FAT1: variants seen among roughly 807,000 people sequenced by gnomAD.
FAT1 encodes protocadherin Fat 1.
Under a neutral mutation model 329.8 loss-of-function variants are expected in FAT1, and 171 were observed. The observed-to-expected ratio is 0.52, with a 90% CI of 0.46 to 0.59. The LOEUF (loss-of-function observed/expected upper bound fraction) is 0.59. FAT1 is among the 20% of genes least tolerant of loss of function. The probability of loss-of-function intolerance (pLI) is 0.00; values close to 1 mark genes in which losing one functional copy is unlikely to be tolerated. For missense variants in FAT1, 5,672 were observed against 5,774.4 expected (o/e 0.98, Z 0.57); for synonymous variants, 2,233 against 2,228.6 (o/e 1.00, Z -0.06).
At position 186,613,784 on chromosome 4, in the gene FAT1, C is replaced by T. The variant is rs796693869; in HGVS notation, c.9229+407G>A. 4.1e-4 allele frequency among the ~76,000 whole-genome samples: 62 copies of T among 152,194 alleles called. 1 individual carries two copies. The highest frequency in any genetic ancestry group is 1.3e-3 in the African/African-American group (55 of 41,532). Reference sequence around the variant, plus strand: ...CTCTATTTTAAAATAAATAAAATCCCATAAATCATTTTGTTTATGAAAATT... The same window carrying T: ...CTCTATTTTAAAATAAATAAAATCCTATAAATCATTTTGTTTATGAAAATT... On this transcript the variant is annotated intron_variant, in intron 12 of 26. Transcript: ENST00000441802.
At chr4:186,690,425 C>T (rs536101779) in intron 2 of FAT1, among the ~76,000 whole-genome samples, 51 of 152,272 alleles carry the variant, frequency 3.3e-4, no homozygotes, top group African/African-American at 1.1e-3. Context: ...ATAGCCTGCA[C>T]GGTGGCTCAC....
Position 186,707,984 on chromosome 4 carries a change from A to C in FAT1, c.1844T>G (p.Phe615Cys), listed in dbSNP as rs374540865. 1.9e-6 allele frequency: 3 copies of C among 1,613,798 alleles called. No homozygotes were observed. The highest frequency in any genetic ancestry group is 1.7e-5 in the Admixed American group (1 of 59,996). Reference sequence around the variant, plus strand: ...TACCCCCGAGTTGGGGTTTAAACTAAAGAAATCCAGTTCATTTCCAGCTTC... The same window carrying C: ...TACCCCCGAGTTGGGGTTTAAACTACAGAAATCCAGTTCATTTCCAGCTTC... ...QIEAGNELDF[F>C]SLNPNSGVLS... is the part of the protein sequence containing the mutation. Residue 615 changes from phenylalanine to cysteine, a missense_variant, in exon 2 of 27, where the codon TTT becomes TGT. Transcript: ENST00000441802.
At chr4:186,710,933 G>T (rs1046851280) in intron 1 of FAT1, among the ~76,000 whole-genome samples, 16 of 152,194 alleles carry the variant, frequency 1.1e-4, no homozygotes, top group African/African-American at 3.6e-4. Context: ...GAAGTCCACT[G>T]GGCTGAGGTC....
At chr4:186,632,414 A>G (rs1740641891) in intron 7 of FAT1, among the ~76,000 whole-genome samples, 3 of 152,192 alleles carry the variant, frequency 2.0e-5, no homozygotes, top group Admixed American at 1.3e-4. Flanking sequence ...TTATCCTATT[A>G]GATTTATTAC....
At position 186,691,131 on chromosome 4, in the gene FAT1, A is replaced by G. The variant is rs534169162; in HGVS notation, c.3265+15432T>C. Among the ~76,000 whole-genome samples the G allele has an allele frequency of 1.2e-4, 19 of 152,334 alleles. No homozygotes were observed. In the South Asian group the frequency reaches 3.5e-3, roughly 28 times the overall value. On this transcript the variant is annotated intron_variant, in intron 2 of 26. Coordinates refer to ENST00000441802, the MANE Select transcript of FAT1 (RefSeq NM_005245.4). ...CAATTTTGTTAATATAAATTGTAAA[A>G]ATCAGTTCACCTTTCACATATGAGC...
intron 1 of FAT1, among the ~76,000 whole-genome samples, chr4:186,713,574 T>G (rs370974777): frequency 1.5e-4 from 23 of 152,346 alleles, no homozygotes; most frequent in African/African-American, 5.3e-4. Context: ...TAGCCCATTC[T>G]TAAGAGACAG....
Position 186,621,190 on chromosome 4 carries a change from G to T in FAT1, c.5396C>A (p.Ala1799Asp), listed in dbSNP as rs1370148067. The T allele has an allele frequency of 3.1e-6, 5 of 1,613,988 alleles. No individual in the cohort carries two copies. The highest frequency in any genetic ancestry group is 4.2e-6 in the Non-Finnish European group (5 of 1,179,890). Reference sequence around the variant, plus strand: ...AAGCAAAGCATTTGAGTCTTTATCAGCATCAGCTGCTCGAATCACCAGTGG... The same window carrying T: ...AAGCAAAGCATTTGAGTCTTTATCATCATCAGCTGCTCGAATCACCAGTGG... ...NVPLVIRAADADKDSNALLVY... is the reference protein window; with the variant it reads ...NVPLVIRAADDDKDSNALLVY... The change falls in exon 10 of 27, where the codon GCT becomes GAT. Residue 1799 changes from alanine (A) to aspartate (D), a missense_variant. Transcript: ENST00000441802.
At chr4:186,686,273 A>AT (rs1334242291) in intron 2 of FAT1, among the ~76,000 whole-genome samples, 2 of 138,266 alleles carry the variant, frequency 1.4e-5, no homozygotes, top group Admixed American at 1.5e-4. Context: ...ACATGTAGCG[A>AT]TTTTTTTCCT....
chr4:186,639,768 G>C lies in FAT1; in HGVS notation c.3596C>G (p.Thr1199Arg), dbSNP rs769544525. Residue 1199 changes from threonine (T) to arginine (R), a missense_variant, in exon 4 of 27, where the codon ACG (threonine) becomes AGG (arginine). Thr to Arg is a moderately conservative substitution (Grantham distance 71, BLOSUM62 -1). Coordinates refer to ENST00000441802, the MANE Select transcript of FAT1 (RefSeq NM_005245.4). ...IHPKTGLITT[T>R]SRKLDREQQD... ...CTGTTCTCGGTCTAGCTTCCTTGAC[G>C]TAGTTGTGATGAGACCTGTAAAATG... The C allele has an allele frequency of 1.9e-6, 3 of 1,612,534 alleles. No homozygotes were observed. The highest frequency in any genetic ancestry group is 4.5e-5 in the East Asian group (2 of 44,832).
chr4:186,699,727 C>A (rs983280654), intron 2 of FAT1, among the ~76,000 whole-genome samples: 6 of 148,274 alleles, frequency 4.0e-5, no homozygotes, highest in Non-Finnish European at 8.9e-5. Context: ...AAGGCAACTG[C>A]AAAATAACAG....
At chr4:186,635,069 C>T (rs1406531377) in intron 6 of FAT1, among the ~76,000 whole-genome samples, 1 of 152,204 alleles carries the variant, frequency 6.6e-6, no homozygotes, top group Non-Finnish European at 1.5e-5. Context: ...ATCAATTTCA[C>T]ACAATCACCA....
At chr4:186,680,296 G>A (rs1317646889) in intron 2 of FAT1, among the ~76,000 whole-genome samples, 1 of 152,224 alleles carries the variant, frequency 6.6e-6, no homozygotes, top group Non-Finnish European at 1.5e-5. Flanking sequence ...CAAAGGCTAA[G>A]CCATCCTATT....
intron 3 of FAT1, among the ~76,000 whole-genome samples, chr4:186,642,033 G>T (rs916482542): frequency 6.6e-6 from 1 of 151,060 alleles, no homozygotes; most frequent in African/African-American, 2.4e-5. Context: ...TCCACATAAA[G>T]CCAAAAGGCT....
intron 3 of FAT1, among the ~76,000 whole-genome samples, chr4:186,661,143 G>C (rs1388003125): frequency 6.6e-6 from 1 of 152,142 alleles, no homozygotes; most frequent in Non-Finnish European, 1.5e-5. Flanking sequence ...GTACATATTT[G>C]TTTCTGTCCA....
intron 2 of FAT1, among the ~76,000 whole-genome samples, chr4:186,678,987 A>G (rs1347767113): frequency 6.6e-6 from 1 of 152,204 alleles, no homozygotes; most frequent in African/African-American, 2.4e-5. Flanking sequence ...AATGTGGTAC[A>G]CATACTCGAT....
intron 1 of FAT1, among the ~76,000 whole-genome samples, chr4:186,711,403 A>C (rs1022280345): frequency 2.0e-5 from 3 of 151,478 alleles, no homozygotes; most frequent in Admixed American, 1.3e-4. Context: ...TAAGAAAACA[A>C]TTTTCTCCCA....
upstream of FAT1, among the ~76,000 whole-genome samples, chr4:186,725,815 A>G (rs567394649): frequency 5.3e-5 from 8 of 152,320 alleles, no homozygotes; most frequent in Admixed American, 1.3e-4. This position sits in a 1 kb window ranked among gnomAD's most constrained non-coding sequence, Gnocchi z 5.4. Flanking sequence ...GGTTCCAGAA[A>G]CAAAACGCTT....
intron 3 of FAT1, among the ~76,000 whole-genome samples, chr4:186,640,463 TGA>T (rs1358125989): frequency 6.6e-6 from 1 of 152,212 alleles, no homozygotes; most frequent in African/African-American, 2.4e-5. Context: ...AAGAGATAAC[TGA>T]GAGTTGACAG....
intron 24 of FAT1, 83 bp downstream of exon 24, chr4:186,597,599 A>G: frequency 2.2e-6 from 2 of 916,160 alleles, no homozygotes; most frequent in East Asian, 2.6e-5. Flanking sequence ...ATGTAGTTCA[A>G]ATCACTGAAG....
Sources: gnomAD v4.1 joint callset for allele counts (sites outside exome capture counted in the v4.1 genomes callset) on GRCh38, gnomAD v4.1.1 for gene constraint, Gnocchi (gnomAD v3.1) non-coding constraint, MANE v1.5 for transcripts, NCBI Gene and HGNC (gene_info 2026-07-23, HGNC 2026-07-21) for gene names.